Variants in TMEM37 observed in about 807,000 individuals in gnomAD.
TMEM37 encodes transmembrane protein 37.
A neutral mutation model predicts 11.0 loss-of-function variants in TMEM37; 12 were observed. That is an observed-to-expected ratio of 1.09 (90% CI 0.70 to 1.76). The LOEUF is 1.76. TMEM37 is among the 40% of genes most tolerant of loss of function. The probability of loss-of-function intolerance (pLI) is 0.00; values close to 1 mark genes in which losing one functional copy is unlikely to be tolerated. For synonymous variants in TMEM37, 127 were observed against 110.5 expected, an observed-to-expected ratio of 1.15 and a Z score of -0.94; for missense variants, 203 against 251.2, an observed-to-expected ratio of 0.81 and a Z score of 1.30.
Position 119,437,367 on chromosome 2 carries a change from C to A in TMEM37, c.500C>A (p.Thr167Asn). 3 of 1,614,274 alleles carry A rather than the reference C, an allele frequency of 1.9e-6. No individual in the cohort carries two copies. Among genetic ancestry groups the A allele is most frequent in the Non-Finnish European group, 2.5e-6 (3 of 1,180,054 alleles). The change falls in exon 2 of 2, where the codon ACT (threonine) becomes AAT (asparagine). Residue 167 changes from threonine to asparagine, a missense_variant. Transcript: ENST00000306406. Reference protein sequence around the residue: ...GFTLMFWCEFTASFLLFLNAI... With the variant: ...GFTLMFWCEFNASFLLFLNAI... ...ACCCTAATGTTTTGGTGCGAATTCA[C>A]TGCCTCCTTCCTCCTCTTCCTGAAC... is the stretch of plus-strand genomic sequence containing the variant.
At chr2:119,436,844 T>C in intron 1 of TMEM37, 45 bp from the exon 2 acceptor site, 1 of 1,514,966 alleles carries the variant, frequency 6.6e-7, no homozygotes, top group Non-Finnish European at 9.0e-7. Context: ...CCTGGGGGCG[T>C]GGCAGGGCTG....
rs545719472 is a variant in TMEM37, at chr2:119,438,071, G to C, written c.*631G>C. 6.6e-6 allele frequency: 1 copy of C among 152,312 alleles called. No individual in the cohort carries two copies. The highest frequency in any genetic ancestry group is 1.5e-5 in the Non-Finnish European group (1 of 68,210). 9.4% of individuals were successfully genotyped at this position (152,312 alleles called of 1,614,324 possible). Reference sequence around the variant, plus strand: ...TTTGACTCGGTTTGCCTCCCTGCCCGTTGTTTAAACCTTACAAACCCTGGA... The same window carrying C: ...TTTGACTCGGTTTGCCTCCCTGCCCCTTGTTTAAACCTTACAAACCCTGGA... On this transcript the variant is annotated 3_prime_UTR_variant, in exon 2 of 2. Coordinates refer to ENST00000306406, the MANE Select transcript of TMEM37 (RefSeq NM_183240.3).
Position 119,436,950 on chromosome 2 carries a change from C to T in TMEM37, c.83C>T (p.Thr28Ile). 2 of 1,614,214 alleles carry T rather than the reference C, an allele frequency of 1.2e-6. No homozygotes were observed. Among genetic ancestry groups the T allele is most frequent in the Non-Finnish European group, 1.7e-6 (2 of 1,180,028 alleles). ...TCCTTCTTTGAATCCTTCATCCGGACCCTCATCATCACGTGTGTGGCCCTG... is the reference window on the plus strand; with the variant it reads ...TCCTTCTTTGAATCCTTCATCCGGATCCTCATCATCACGTGTGTGGCCCTG... ...RRSFFESFIR[T>I]LIITCVALAV... The change falls in exon 2 of 2, where the codon ACC becomes ATC. Residue 28 changes from threonine to isoleucine, a missense_variant. Physicochemically the swap from Thr to Ile is moderately conservative, Grantham distance 89. Coordinates refer to ENST00000306406, the MANE Select transcript of TMEM37 (RefSeq NM_183240.3).
Position 119,438,250 on chromosome 2 carries a change from G to A in TMEM37, c.*810G>A, listed in dbSNP as rs561776623. On this transcript the variant is annotated 3_prime_UTR_variant, in exon 2 of 2. Transcript: ENST00000306406. ...ATACACAGCCCTCCCCAAGGCCCGTGTGTGCATGTGTCTGTCTTTTGTGAG... is the reference window on the plus strand; with the variant it reads ...ATACACAGCCCTCCCCAAGGCCCGTATGTGCATGTGTCTGTCTTTTGTGAG... 1 of 152,308 alleles carries A rather than the reference G, an allele frequency of 6.6e-6. No individual in the cohort carries two copies. The highest frequency in any genetic ancestry group is 2.1e-4 in the South Asian group (1 of 4,820). The allele number at this position is 152,308 out of a possible 1,614,324, so 9.4% of individuals were successfully genotyped here.
In TMEM37 at chr2:119,437,127, G is replaced by T. The variant is rs773346562; in HGVS notation, c.260G>T (p.Gly87Val). The T allele has an allele frequency of 1.2e-6, 2 of 1,614,126 alleles. No individual in the cohort carries two copies. The highest frequency in any genetic ancestry group is 2.2e-5 in the South Asian group (2 of 91,070). ...GQAHVPGLAV[G>V]MGLVRSVGAL... ...GCCCATGTGCCCGGGCTGGCCGTGG[G>T]CATGGGCCTGGTACGCAGCGTGGGC... Residue 87 changes from glycine to valine, a missense_variant, in exon 2 of 2, where the codon GGC (glycine) becomes GTC (valine). Gly to Val is a moderately radical substitution (Grantham distance 109, BLOSUM62 -3). Transcript: ENST00000306406.
intron 1 of TMEM37, among the ~76,000 whole-genome samples, chr2:119,433,196 G>A (rs906414112): frequency 6.6e-6 from 1 of 152,260 alleles, no homozygotes; most frequent in Non-Finnish European, 1.5e-5. Flanking sequence ...AGCAAGGTGG[G>A]AGCTCAGCTG....
At position 119,437,605 on chromosome 2, in the gene TMEM37, C is replaced by CG. The variant is rs1682529377; in HGVS notation, c.*165_*166insG. ...TTGTGGGTGGTCAGCCAGAAATGGC[C>CG]CGGGGGCCTCTGCACCTGGTCTGCA... On this transcript the variant is annotated 3_prime_UTR_variant, in exon 2 of 2. Coordinates refer to ENST00000306406, the MANE Select transcript of TMEM37 (RefSeq NM_183240.3). The CG allele has an allele frequency of 2.0e-5, 19 of 951,246 alleles. No individual in the cohort carries two copies. Among genetic ancestry groups the CG allele is most frequent in the South Asian group, 3.4e-5 (2 of 58,286 alleles). 58.9% of individuals were successfully genotyped at this position (951,246 alleles called of 1,614,324 possible).
At position 119,437,479 on chromosome 2, in the gene TMEM37, C is replaced by T; in HGVS notation, c.*39C>T. 1 of 1,576,986 alleles carries T rather than the reference C, an allele frequency of 6.3e-7. No individual in the cohort carries two copies. The highest frequency in any genetic ancestry group is 8.6e-7 in the Non-Finnish European group (1 of 1,161,968). On this transcript the variant is annotated 3_prime_UTR_variant, in exon 2 of 2. Coordinates refer to ENST00000306406, the MANE Select transcript of TMEM37 (RefSeq NM_183240.3). ...AGGCCCCCTCCAGGGACATCAGATT[C>T]CACAAGAAAATATGGTCAAAATGGG... is the stretch of plus-strand genomic sequence containing the variant.
chr2:119,431,469 C>G (rs928888136), upstream of TMEM37, among the ~76,000 whole-genome samples: 1 of 152,238 alleles, frequency 6.6e-6, no homozygotes, highest in Non-Finnish European at 1.5e-5. Flanking sequence ...CCCTTCGGAC[C>G]CTGCCGCGTT....
intron 1 of TMEM37, among the ~76,000 whole-genome samples, chr2:119,432,637 G>A (rs147262067): frequency 4.6e-5 from 7 of 152,312 alleles, no homozygotes; most frequent in African/African-American, 1.4e-4. Context: ...GCTGCCCAGC[G>A]GGCGAACTTC....
chr2:119,431,777 C>A, upstream of TMEM37: 2 of 723,520 alleles, frequency 2.8e-6, no homozygotes, highest in Non-Finnish European at 3.8e-6. Flanking sequence ...GAGCTTTGAA[C>A]GCCCCCTCCC....
upstream of TMEM37, among the ~76,000 whole-genome samples, chr2:119,430,636 G>C (rs1682375176): frequency 6.6e-6 from 1 of 152,250 alleles, no homozygotes; most frequent in South Asian, 2.1e-4. Flanking sequence ...GAGTGCAGTT[G>C]CTTTGTCTTT....
intron 1 of TMEM37, chr2:119,432,269 T>TC: frequency 4.0e-6 from 1 of 250,040 alleles, no homozygotes. Flanking sequence ...ACCATAAGGG[T>TC]CCCCCTTTGT....
intron 1 of TMEM37, among the ~76,000 whole-genome samples, chr2:119,436,024 G>A (rs1329746315): frequency 6.6e-6 from 1 of 152,202 alleles, no homozygotes; most frequent in Non-Finnish European, 1.5e-5. Context: ...TGAGAGGCTT[G>A]TGGGCTGTGT....
chr2:119,435,530 G>A (rs577422192), intron 1 of TMEM37, among the ~76,000 whole-genome samples: 17 of 152,336 alleles, frequency 1.1e-4, no homozygotes, highest in African/African-American at 3.6e-4. Context: ...AGGAGACTCA[G>A]TTTAAAGGAG....
At chr2:119,432,393 A>G (rs1682419792) in intron 1 of TMEM37, 1 of 153,316 alleles carries the variant, frequency 6.5e-6, no homozygotes, top group Non-Finnish European at 1.4e-5. Context: ...GGAGGTTAGG[A>G]AGACCGTCTC....
At chr2:119,433,061 G>C (rs974980903) in intron 1 of TMEM37, among the ~76,000 whole-genome samples, 1 of 152,190 alleles carries the variant, frequency 6.6e-6, no homozygotes, top group Admixed American at 6.5e-5. Context: ...GACCAGGTGC[G>C]GTCCCTCCCC....
In TMEM37 at chr2:119,437,362, A is replaced by G. The variant is rs1682522853; in HGVS notation, c.495A>G (p.Glu165=). 1.2e-6 allele frequency: 2 copies of G among 1,614,242 alleles called. No individual in the cohort carries two copies. Among genetic ancestry groups the G allele is most frequent in the East Asian group, 2.2e-5 (1 of 44,882 alleles). Reference sequence around the variant, plus strand: ...GCTTCACCCTAATGTTTTGGTGCGAATTCACTGCCTCCTTCCTCCTCTTCC... The same window carrying G: ...GCTTCACCCTAATGTTTTGGTGCGAGTTCACTGCCTCCTTCCTCCTCTTCC... The part of the protein sequence containing the change: ...LIGFTLMFWC[E]FTASFLLFLN... Residue 165 remains glutamate (E), a synonymous_variant, in exon 2 of 2, where the codon GAA becomes GAG. Transcript: ENST00000306406.
At position 119,436,869 on chromosome 2, in the gene TMEM37, C is replaced by T. The variant is rs201020240; in HGVS notation, c.22-20C>T. 3.8e-6 allele frequency: 6 copies of T among 1,596,154 alleles called. No individual in the cohort carries two copies. The highest frequency in any genetic ancestry group is 5.1e-6 in the Non-Finnish European group (6 of 1,170,174). ...TGGCAGGGCTGTGGCTGACAGGGTGCTTCCTACGGTTTTTTCCAGGCCCAG... is the reference window on the plus strand; with the variant it reads ...TGGCAGGGCTGTGGCTGACAGGGTGTTTCCTACGGTTTTTTCCAGGCCCAG... On this transcript the variant is annotated intron_variant, in intron 1 of 1. Coordinates refer to ENST00000306406, the MANE Select transcript of TMEM37 (RefSeq NM_183240.3).
Sources: allele counts gnomAD v4.1 joint callset (sites outside exome capture counted in the v4.1 genomes callset), GRCh38; gene constraint gnomAD v4.1.1; transcripts MANE v1.5; gene names NCBI Gene and HGNC (gene_info 2026-07-23, HGNC 2026-07-21).